Variants in TRDN observed in about 807,000 individuals in gnomAD.
TRDN encodes the protein triadin, also known as triadin in skeletal muscle.
A neutral mutation model predicts 149.7 loss-of-function variants in TRDN; 161 were observed. That is an observed-to-expected ratio of 1.08 (90% CI 0.95 to 1.23). The LOEUF is 1.23. Among genes scored for constraint, TRDN ranks in the 50% most tolerant of loss-of-function variants. TRDN has a pLI of 0.00. For missense variants in TRDN, 896 were observed against 823.5 expected, an observed-to-expected ratio of 1.09 and a Z score of -1.08; for synonymous variants, 294 against 250.5, an observed-to-expected ratio of 1.17 and a Z score of -1.64.
At chr6:123,347,982 G>A (rs1933899) in intron 21 of TRDN, among the ~76,000 whole-genome samples, 87,695 of 151,906 alleles carry the variant, frequency 0.58, 26,038 homozygotes, top group East Asian at 0.77. Flanking sequence ...AGTTGTAAGC[G>A]CTAACTCCAA....
rs371014608 is a variant in TRDN at position 123,320,642 on chromosome 6, A to G, written c.1472-4147T>C. On this transcript the variant is annotated intron_variant, in intron 23 of 40. Transcript: ENST00000334268. Reference sequence around the variant, plus strand: ...GTTTTAAGCACTTCAACACACTTCTATAACTAAAGTTGCTACTGATAGAAT... The same window carrying G: ...GTTTTAAGCACTTCAACACACTTCTGTAACTAAAGTTGCTACTGATAGAAT... Among the ~76,000 whole-genome samples the G allele has an allele frequency of 3.3e-5, 5 of 152,266 alleles. No individual in the cohort carries two copies. In the South Asian group the frequency reaches 8.3e-4, roughly 25 times the overall value.
chr6:123,272,943 C>A, intron 29 of TRDN, 21 bp downstream of exon 29: 1 of 1,511,652 alleles, frequency 6.6e-7, no homozygotes, highest in African/African-American at 1.4e-5. Flanking sequence ...TTTGAGACTA[C>A]AAATACCACC....
chr6:123,324,710 A>G (rs1779378542), intron 23 of TRDN, among the ~76,000 whole-genome samples: 1 of 152,184 alleles, frequency 6.6e-6, no homozygotes, highest in Admixed American at 6.6e-5. Context: ...GTTGCTGTAT[A>G]TTAACATTTT....
chr6:123,516,513 T>C (rs368273225), intron 5 of TRDN, among the ~76,000 whole-genome samples: 38 of 152,238 alleles, frequency 2.5e-4, no homozygotes, highest in African/African-American at 8.9e-4. Context: ...AAAAAATTAT[T>C]ATGCCATATG....
intron 19 of TRDN, among the ~76,000 whole-genome samples, chr6:123,371,720 G>A (rs1562282448): frequency 6.6e-6 from 1 of 152,006 alleles, no homozygotes; most frequent in African/African-American, 2.4e-5. Context: ...GGCATTTTCA[G>A]TTTGGGGCTG....
chr6:123,519,926 C>T (rs1779596649), intron 5 of TRDN, among the ~76,000 whole-genome samples: 1 of 152,064 alleles, frequency 6.6e-6, no homozygotes, highest in Admixed American at 6.6e-5. Flanking sequence ...AGTAGGTGAA[C>T]ATTTCAAACA....
Position 123,258,925 on chromosome 6 carries a change from A to T in TRDN, c.1870+699T>A, listed in dbSNP as rs1776656556. On this transcript the variant is annotated intron_variant, in intron 35 of 40. Coordinates refer to ENST00000334268, the MANE Select transcript of TRDN (RefSeq NM_006073.4). Reference sequence around the variant, plus strand: ...TCTAGATTTTCTAGTTTATTTACATAGAGGTGTTTATAGTATTCTCTGATG... The same window carrying T: ...TCTAGATTTTCTAGTTTATTTACATTGAGGTGTTTATAGTATTCTCTGATG... Among the ~76,000 whole-genome samples the T allele has an allele frequency of 3.3e-5, 5 of 152,146 alleles. No individual in the cohort carries two copies. In the South Asian group the frequency reaches 1.0e-3, roughly 32 times the overall value.
rs557597506 is a variant in TRDN at position 123,423,563 on chromosome 6, T to C, written c.1051+14500A>G. Reference sequence around the variant, plus strand: ...TTGCTATAACTATTCTAAATCTGTATGGATGTTTATTTGAGTAATAAACAT... The same window carrying C: ...TTGCTATAACTATTCTAAATCTGTACGGATGTTTATTTGAGTAATAAACAT... On this transcript the variant is annotated intron_variant, in intron 12 of 40. Transcript: ENST00000334268. Among the ~76,000 whole-genome samples the C allele has an allele frequency of 2.0e-5, 3 of 152,276 alleles. No individual in the cohort carries two copies. In the South Asian group the frequency reaches 6.2e-4, roughly 32 times the overall value.
chr6:123,248,355 G>A (rs762360017), intron 38 of TRDN, among the ~76,000 whole-genome samples: 6 of 151,914 alleles, frequency 3.9e-5, no homozygotes, highest in Non-Finnish European at 7.4e-5. Flanking sequence ...TCAGGAGTTC[G>A]AGACCAGACT....
At chr6:123,359,617 G>A (rs1217357616) in intron 20 of TRDN, among the ~76,000 whole-genome samples, 1 of 152,168 alleles carries the variant, frequency 6.6e-6, no homozygotes, top group Admixed American at 6.5e-5. Flanking sequence ...ATATGCTCAA[G>A]AAACAGAAAC....
intron 38 of TRDN, among the ~76,000 whole-genome samples, chr6:123,244,834 G>T (rs192172522): frequency 6.6e-6 from 1 of 152,142 alleles, no homozygotes; most frequent in Non-Finnish European, 1.5e-5. Context: ...AATGTTAAGG[G>T]CAGCTAGAGA....
intron 21 of TRDN, chr6:123,350,654 A>G: frequency 1.3e-6 from 1 of 755,568 alleles, no homozygotes; most frequent in Non-Finnish European, 1.6e-6. Flanking sequence ...ATCAGTTATT[A>G]GTAATAGATA....
intron 38 of TRDN, among the ~76,000 whole-genome samples, chr6:123,247,679 G>A (rs978980573): frequency 1.4e-4 from 21 of 152,118 alleles, no homozygotes; most frequent in South Asian, 6.2e-4. Context: ...ACTACCTAAA[G>A]TAATTTATGG....
At chr6:123,571,261 G>C (rs577704458) in intron 1 of TRDN, 129 bp from the exon 2 acceptor site, 2 of 902,930 alleles carry the variant, frequency 2.2e-6, no homozygotes, top group Admixed American at 2.5e-5. Flanking sequence ...CTCCTTAGTG[G>C]CAGGACAAAG....
intron 1 of TRDN, among the ~76,000 whole-genome samples, chr6:123,591,315 G>A (rs949103819): frequency 6.6e-6 from 1 of 152,058 alleles, no homozygotes; most frequent in Non-Finnish European, 1.5e-5. Flanking sequence ...GCACGATCTT[G>A]GCTCACTGCA....
intron 31 of TRDN, among the ~76,000 whole-genome samples, chr6:123,269,221 C>T (rs1056020102): frequency 1.3e-5 from 2 of 151,976 alleles, no homozygotes; most frequent in South Asian, 4.1e-4. Flanking sequence ...CTCTTCATCA[C>T]TATACTCTCT....
At chr6:123,423,414 T>C (rs1773989861) in intron 12 of TRDN, among the ~76,000 whole-genome samples, 1 of 152,154 alleles carries the variant, frequency 6.6e-6, no homozygotes, top group African/African-American at 2.4e-5. Flanking sequence ...ATAGGTATAT[T>C]TAAACATTTA....
chr6:123,488,026 G>T (rs972812859), intron 9 of TRDN, among the ~76,000 whole-genome samples: 7 of 151,944 alleles, frequency 4.6e-5, no homozygotes, highest in Admixed American at 2.0e-4. Flanking sequence ...TCCAGTCAGG[G>T]ATCACCTTTT....
intron 12 of TRDN, among the ~76,000 whole-genome samples, chr6:123,417,183 T>C (rs1342843943): frequency 6.6e-6 from 1 of 152,206 alleles, no homozygotes; most frequent in Non-Finnish European, 1.5e-5. Context: ...CATCTCCCTT[T>C]ATATCTGTCT....
Sources: allele counts gnomAD v4.1 joint callset (sites outside exome capture counted in the v4.1 genomes callset), GRCh38; gene constraint gnomAD v4.1.1; transcripts MANE v1.5; gene names NCBI Gene and HGNC (gene_info 2026-07-23, HGNC 2026-07-21).